The following DCC variants were observed in gnomAD, a reference collection of about 807,000 sequenced individuals.
DCC encodes netrin receptor DCC.
In DCC, 58 loss-of-function variants were observed where a neutral mutation model predicts 172.5. The ratio of observed to expected loss-of-function variants is 0.34; its 90% CI spans 0.27 to 0.42. The LOEUF (loss-of-function observed/expected upper bound fraction) is 0.42, where lower values mean the gene tolerates loss of function less well. Ranked by LOEUF, DCC falls within the 10% of genes least tolerant of loss-of-function variation. DCC has a pLI of 1.00. For synonymous variants in DCC, 709 were observed against 644.5 expected, an observed-to-expected ratio of 1.10 and a Z score of -1.52; for missense variants, 1,740 against 1,791.0, an observed-to-expected ratio of 0.97 and a Z score of 0.51.
At chr18:52,774,299 G>A (rs1162022492) in intron 2 of DCC, among the ~76,000 whole-genome samples, 1 of 152,172 alleles carries the variant, frequency 6.6e-6, no homozygotes, top group Non-Finnish European at 1.5e-5. Flanking sequence ...TACTGGTTTA[G>A]ACCAGGCCCA....
At chr18:53,529,517 C>T (rs4245260) in intron 28 of DCC, among the ~76,000 whole-genome samples, 124,271 of 152,134 alleles carry the variant, frequency 0.82, 50,818 homozygotes, top group Admixed American at 0.84. Context: ...AAACTAACAT[C>T]TACTGAACAC....
intron 1 of DCC, among the ~76,000 whole-genome samples, chr18:52,518,495 C>T (rs893435328): frequency 6.6e-6 from 1 of 152,188 alleles, no homozygotes; most frequent in African/African-American, 2.4e-5. Context: ...GTGTCGTTTC[C>T]TCTTTGATTC....
At position 52,485,044 on chromosome 18, in the gene DCC, T is replaced by C. The variant is rs1352432392; in HGVS notation, c.91+144166T>C. Reference sequence around the variant, plus strand: ...AATTGATATGATACTTTTGTCTTCTTGCCTTTAAGACTTGGAGCATGAAGG... The same window carrying C: ...AATTGATATGATACTTTTGTCTTCTCGCCTTTAAGACTTGGAGCATGAAGG... On this transcript the variant is annotated intron_variant, in intron 1 of 28. Transcript: ENST00000442544. Among the ~76,000 whole-genome samples the C allele has an allele frequency of 2.0e-5, 3 of 152,128 alleles. No homozygotes were observed. In the South Asian group the frequency reaches 6.2e-4, roughly 31 times the overall value.
At chr18:53,379,661 G>A (rs11876941) in intron 15 of DCC, among the ~76,000 whole-genome samples, 69,670 of 151,976 alleles carry the variant, frequency 0.46, 16,915 homozygotes, top group Non-Finnish European at 0.54. Context: ...TGTGATCAAC[G>A]AATGTGCATT....
chr18:53,496,209 C>T (rs1381408604), intron 26 of DCC, among the ~76,000 whole-genome samples: 2 of 152,132 alleles, frequency 1.3e-5, no homozygotes, highest in Non-Finnish European at 2.9e-5. Context: ...TATAGGCAAG[C>T]TCTGGCTGGC....
chr18:53,287,587 A>G (rs2056951024), intron 12 of DCC, among the ~76,000 whole-genome samples: 1 of 152,170 alleles, frequency 6.6e-6, no homozygotes, highest in Non-Finnish European at 1.5e-5. Context: ...AGGCAACATC[A>G]ATTTACATTC....
chr18:53,474,251 T>C (rs1447426559), intron 25 of DCC, among the ~76,000 whole-genome samples: 1 of 152,198 alleles, frequency 6.6e-6, no homozygotes, highest in Non-Finnish European at 1.5e-5. Context: ...TATAGTATAT[T>C]CATATAGTGG....
At chr18:52,698,927 A>T (rs2036058677) in intron 1 of DCC, among the ~76,000 whole-genome samples, 1 of 152,096 alleles carries the variant, frequency 6.6e-6, no homozygotes, top group Non-Finnish European at 1.5e-5. Flanking sequence ...AGTCTTAAAA[A>T]GGAACCTTTT....
chr18:52,630,571 G>A (rs920552607), intron 1 of DCC, among the ~76,000 whole-genome samples: 1 of 152,088 alleles, frequency 6.6e-6, no homozygotes, highest in African/African-American at 2.4e-5. Flanking sequence ...TCCAAGAAAT[G>A]AAGTCCCATG....
chr18:52,574,534 A>G (rs1598924449), intron 1 of DCC, among the ~76,000 whole-genome samples: 1 of 152,320 alleles, frequency 6.6e-6, no homozygotes, highest in Non-Finnish European at 1.5e-5. Context: ...TAAATGTAGA[A>G]AACTCCAGAA....
At chr18:52,840,066 A>T (rs2038777613) in intron 2 of DCC, among the ~76,000 whole-genome samples, 1 of 152,174 alleles carries the variant, frequency 6.6e-6, no homozygotes, top group African/African-American at 2.4e-5. Flanking sequence ...CAGTTACTTA[A>T]CATTTCTAGA....
Position 53,179,116 on chromosome 18 carries a change from T to C in DCC, c.1573T>C (p.Leu525=). The C allele has an allele frequency of 6.2e-7, 1 of 1,613,528 alleles. No individual in the cohort carries two copies. Among genetic ancestry groups the C allele is most frequent in the Non-Finnish European group, 8.5e-7 (1 of 1,179,680 alleles). The part of the protein sequence containing the change: ...QPIKVATQPE[L]QVPGPVENLQ... Reference sequence around the variant, plus strand: ...CATCAAGGTGGCCACACAGCCTGAGTGTGAGTATGAAAAGGAACGGGCCAC... The same window carrying C: ...CATCAAGGTGGCCACACAGCCTGAGCGTGAGTATGAAAAGGAACGGGCCAC... The change falls in exon 9 of 29, where the codon TTG becomes CTG. Residue 525 remains leucine (L), a splice_region_variant and synonymous_variant. Transcript: ENST00000442544.
At chr18:53,102,969 A>G (rs1026862624) in intron 7 of DCC, among the ~76,000 whole-genome samples, 26 of 152,144 alleles carry the variant, frequency 1.7e-4, no homozygotes, top group African/African-American at 4.6e-4. Context: ...ATTAAATTTC[A>G]GAGAGAATTT....
chr18:52,638,086 A>G (rs1383845364), intron 1 of DCC, among the ~76,000 whole-genome samples: 1 of 152,188 alleles, frequency 6.6e-6, no homozygotes, highest in African/African-American at 2.4e-5. Flanking sequence ...ATATGAAGGA[A>G]AGATACAGTC....
chr18:52,795,185 A>G (rs1335698488), intron 2 of DCC, among the ~76,000 whole-genome samples: 3 of 152,088 alleles, frequency 2.0e-5, no homozygotes, highest in African/African-American at 7.2e-5. Context: ...AATCTTTGTA[A>G]TAGTTTGAGA....
chr18:53,314,247 CT>C (rs2057318548), intron 13 of DCC, among the ~76,000 whole-genome samples: 1 of 152,170 alleles, frequency 6.6e-6, no homozygotes, highest in South Asian at 2.1e-4. Context: ...GTCAAAATTT[CT>C]GCTTCTGCTT....
chr18:53,517,394 C>T (rs1204795388), intron 27 of DCC, among the ~76,000 whole-genome samples: 1 of 151,358 alleles, frequency 6.6e-6, no homozygotes, highest in East Asian at 1.9e-4. Context: ...CACATGTATA[C>T]ATATGTAACT....
chr18:52,992,430 G>A (rs971482596), intron 5 of DCC, among the ~76,000 whole-genome samples: 1 of 152,176 alleles, frequency 6.6e-6, no homozygotes, highest in South Asian at 2.1e-4. Context: ...GAGATGAACA[G>A]GTTTTATGCA....
chr18:53,281,730 C>T (rs898639122), intron 12 of DCC, among the ~76,000 whole-genome samples: 1 of 151,664 alleles, frequency 6.6e-6, no homozygotes, highest in African/African-American at 2.4e-5. Context: ...AGTATTTACC[C>T]CACAGAAATT....
Sources: allele counts gnomAD v4.1 joint callset (sites outside exome capture counted in the v4.1 genomes callset), GRCh38; gene constraint gnomAD v4.1.1; transcripts MANE v1.5; gene names NCBI Gene and HGNC (gene_info 2026-07-23, HGNC 2026-07-21).